The following ESRRG variants were observed in gnomAD, a reference collection of about 807,000 sequenced individuals.
ESRRG encodes the protein estrogen-related receptor gamma.
ESRRG carries 13 observed loss-of-function variants against 44.0 expected under a neutral mutation model. The observed-to-expected ratio is 0.30, with a 90% CI of 0.19 to 0.47. ESRRG has a LOEUF of 0.47. Ranked by LOEUF, ESRRG falls within the 20% of genes least tolerant of loss-of-function variation. The pLI, the probability that ESRRG is intolerant of heterozygous loss-of-function variation, is 1.00. For synonymous variants in ESRRG, 215 were observed against 214.6 expected, an observed-to-expected ratio of 1.00 and a Z score of -0.02; for missense variants, 395 against 580.6, an observed-to-expected ratio of 0.68 and a Z score of 3.29.
At chr1:216,608,902 G>C (rs1159041527) in intron 3 of ESRRG, among the ~76,000 whole-genome samples, 7 of 152,174 alleles carry the variant, frequency 4.6e-5, no homozygotes, top group Non-Finnish European at 1.0e-4. Flanking sequence ...CTAAAAAAGA[G>C]GAGGAATTGT....
At chr1:216,619,347 G>C (rs1330994122) in intron 3 of ESRRG, among the ~76,000 whole-genome samples, 1 of 152,130 alleles carries the variant, frequency 6.6e-6, no homozygotes, top group Admixed American at 6.5e-5. Context: ...GCAAAGAAAA[G>C]ACATCATTGG....
At chr1:217,104,477 A>G (rs1477162339) in intron 1 of ESRRG, among the ~76,000 whole-genome samples, 1 of 152,238 alleles carries the variant, frequency 6.6e-6, no homozygotes, top group Non-Finnish European at 1.5e-5. Context: ...GGGTAATTCA[A>G]CTATCTGAGC....
At chr1:216,876,930 C>T (rs1011015920) in intron 2 of ESRRG, among the ~76,000 whole-genome samples, 2 of 151,614 alleles carry the variant, frequency 1.3e-5, no homozygotes, top group African/African-American at 4.8e-5. Flanking sequence ...TTCAAACTTT[C>T]CCAAGTAATG....
At chr1:216,525,085 G>A (rs2047237430) in intron 5 of ESRRG, among the ~76,000 whole-genome samples, 1 of 152,134 alleles carries the variant, frequency 6.6e-6, no homozygotes, top group African/African-American at 2.4e-5. Flanking sequence ...AATTATTCCT[G>A]GTTTTCCAAT....
At position 216,504,659 on chromosome 1, in the gene ESRRG, G is replaced by C. The variant is rs1047266242; in HGVS notation, c.*2280C>G. On this transcript the variant is annotated 3_prime_UTR_variant, in exon 7 of 7. Transcript: ENST00000408911. Reference sequence around the variant, plus strand: ...ACAGAGCGAGTTAATAACAACATCTGAGAGATGATTGAGTGAAAGCCATAT... The same window carrying C: ...ACAGAGCGAGTTAATAACAACATCTCAGAGATGATTGAGTGAAAGCCATAT... The C allele has an allele frequency of 3.9e-5, 6 of 152,608 alleles. No homozygotes were observed. Among genetic ancestry groups the C allele is most frequent in the Middle Eastern group, 3.2e-3 (1 of 316 alleles). 9.5% of individuals were successfully genotyped at this position (152,608 alleles called of 1,614,324 possible). A position where few individuals can be genotyped will look rare whatever the true frequency, so the allele number is the denominator to read the frequency against.
intron 4 of ESRRG, among the ~76,000 whole-genome samples, chr1:216,565,508 C>A (rs368075229): frequency 6.6e-6 from 1 of 152,022 alleles, no homozygotes; most frequent in East Asian, 1.9e-4. Context: ...CTTTTTTAAC[C>A]CAATATAAAA....
chr1:217,037,605 TC>T (rs2083133318), intron 1 of ESRRG, among the ~76,000 whole-genome samples: 1 of 152,006 alleles, frequency 6.6e-6, no homozygotes, highest in African/African-American at 2.4e-5. Context: ...GTCACATTAT[TC>T]CACCCCAGCC....
At chr1:216,784,991 C>T (rs2094073191) in intron 2 of ESRRG, among the ~76,000 whole-genome samples, 1 of 152,002 alleles carries the variant, frequency 6.6e-6, no homozygotes, top group Non-Finnish European at 1.5e-5. Context: ...AATGTTCCCT[C>T]CGAGACGATG....
At chr1:216,688,660 TCAGC>T (rs1301459945) in intron 1 of ESRRG, among the ~76,000 whole-genome samples, 2 of 152,032 alleles carry the variant, frequency 1.3e-5, no homozygotes, top group Admixed American at 6.6e-5. Context: ...GGATTTGTTT[TCAGC>T]CAATGCAGAG....
At chr1:217,012,739 G>T (rs2078807397) in intron 1 of ESRRG, among the ~76,000 whole-genome samples, 1 of 152,170 alleles carries the variant, frequency 6.6e-6, no homozygotes. Context: ...ACAGACCAGT[G>T]AGCAAGAATC....
At chr1:216,817,078 G>A (rs1157562576) in intron 2 of ESRRG, among the ~76,000 whole-genome samples, 1 of 151,658 alleles carries the variant, frequency 6.6e-6, no homozygotes, top group Non-Finnish European at 1.5e-5. Context: ...AAAAACACAG[G>A]TTTTGTGGGT....
chr1:216,780,888 G>A (rs2093909132), intron 2 of ESRRG, among the ~76,000 whole-genome samples: 3 of 152,102 alleles, frequency 2.0e-5, no homozygotes, highest in South Asian at 2.1e-4. Flanking sequence ...ATATGTTCAC[G>A]ACACAACTAA....
chr1:216,768,484 A>ATCTATCTATCTATCTATCTATCTG (rs1553593223), intron 2 of ESRRG, among the ~76,000 whole-genome samples: 11 of 151,548 alleles, frequency 7.3e-5, no homozygotes, highest in African/African-American at 2.7e-4. Flanking sequence ...CTATCTATCT[A>ATCTATCTATCTATCTATCTATCTG]TCTATCTATC....
intron 1 of ESRRG, among the ~76,000 whole-genome samples, chr1:217,010,851 G>A (rs2078470385): frequency 6.6e-6 from 1 of 152,132 alleles, no homozygotes; most frequent in Non-Finnish European, 1.5e-5. Context: ...GCTAACGTAG[G>A]AAAATTAAGA....
At chr1:217,015,329 C>T (rs11117746) in intron 1 of ESRRG, among the ~76,000 whole-genome samples, 50,994 of 152,002 alleles carry the variant, frequency 0.34, 9,328 homozygotes, top group African/African-American at 0.46. Flanking sequence ...ATCATCCAGA[C>T]ACTGCTGGAA....
intron 1 of ESRRG, among the ~76,000 whole-genome samples, chr1:216,995,731 G>T (rs1469073041): frequency 1.3e-5 from 2 of 152,110 alleles, no homozygotes; most frequent in Non-Finnish European, 2.9e-5. Flanking sequence ...TCAAGTCCCT[G>T]GTTAGTAATA....
chr1:216,627,184 T>C (rs940427413), intron 3 of ESRRG, among the ~76,000 whole-genome samples: 15 of 152,200 alleles, frequency 9.9e-5, no homozygotes, highest in Admixed American at 9.2e-4. Context: ...CGAATCCAGA[T>C]AGGAATAACT....
intron 2 of ESRRG, among the ~76,000 whole-genome samples, chr1:216,887,738 G>T (rs1427344887): frequency 1.3e-5 from 2 of 152,018 alleles, no homozygotes; most frequent in East Asian, 1.9e-4. Flanking sequence ...AAACTACAAG[G>T]TACTCATCAT....
Position 216,723,353 on chromosome 1 carries a change from GA to G in ESRRG, c.-55del. On this transcript the variant is annotated 5_prime_UTR_variant, in exon 1 of 7. Coordinates refer to ENST00000408911, the MANE Select transcript of ESRRG (RefSeq NM_001438.4). ...CCCAGCTATAAATCAAAGTTTCCTT[GA>G]CAGAGCACAGTGCAATTAACACAAA... The G allele has an allele frequency of 6.4e-7, 1 of 1,552,094 alleles. No individual in the cohort carries two copies. The highest frequency in any genetic ancestry group is 1.1e-5 in the South Asian group (1 of 89,834).
Sources: gnomAD v4.1 joint callset for allele counts (sites outside exome capture counted in the v4.1 genomes callset) on GRCh38, gnomAD v4.1.1 for gene constraint, MANE v1.5 for transcripts, NCBI Gene and HGNC (gene_info 2026-07-23, HGNC 2026-07-21) for gene names.